The following CDK1 variants were observed in gnomAD, a reference collection of about 807,000 sequenced individuals.
CDK1 encodes cyclin-dependent kinase 1.
In CDK1, 5 loss-of-function variants were observed where a neutral mutation model predicts 34.6. The observed-to-expected ratio is 0.14, with a 90% CI of 0.08 to 0.30. CDK1 has a LOEUF of 0.30. Among genes scored for constraint, CDK1 ranks in the 10% least tolerant of loss-of-function variants. The pLI is 1.00. For synonymous variants in CDK1, 108 were observed against 114.7 expected, an observed-to-expected ratio of 0.94 and a Z score of 0.37; for missense variants, 157 against 345.7, an observed-to-expected ratio of 0.45 and a Z score of 4.33.
At chr10:60,792,374 G>A in intron 7 of CDK1, 85 bp downstream of exon 7, 1 of 1,238,192 alleles carries the variant, frequency 8.1e-7, no homozygotes, top group Non-Finnish European at 1.1e-6. Flanking sequence ...AAAATAGGAA[G>A]AACACTAACA....
chr10:60,787,950 C>A, intron 4 of CDK1, 110 bp from the exon 5 acceptor site: 2 of 575,406 alleles, frequency 3.5e-6, no homozygotes, highest in East Asian at 2.8e-5. Context: ...GGCCTGAAAG[C>A]TCTAGTAATT....
At position 60,786,300 on chromosome 10, in the gene CDK1, T is replaced by C. The variant is rs1349313304; in HGVS notation, c.318+513T>C. 9.2e-6 allele frequency: 9 copies of C among 977,994 alleles called. No individual in the cohort carries two copies. In the South Asian group the frequency reaches 3.3e-4, roughly 36 times the overall value. 60.6% of individuals were successfully genotyped at this position (977,994 alleles called of 1,614,324 possible). A position where few individuals can be genotyped will look rare whatever the true frequency, so the allele number is the denominator to read the frequency against. ...TTAGTTTTATTTGTAATCTTACACT[T>C]GTATGTATGTTCACTTTGTATGTAT... On this transcript the variant is annotated intron_variant, in intron 4 of 7. Coordinates refer to ENST00000395284, the MANE Select transcript of CDK1 (RefSeq NM_001786.5).
chr10:60,792,692 C>T (rs532469919), intron 7 of CDK1, among the ~76,000 whole-genome samples: 7 of 151,952 alleles, frequency 4.6e-5, no homozygotes, highest in East Asian at 3.9e-4. Flanking sequence ...AAGCTTTATT[C>T]GCACTTTGTA....
intron 3 of CDK1, 76 bp from the exon 4 acceptor site, chr10:60,785,588 G>A (rs2080308983): frequency 4.7e-6 from 4 of 852,252 alleles, no homozygotes; most frequent in Admixed American, 2.4e-5. Context: ...CTGAAATTAT[G>A]GAAGGAGTTT....
At position 60,788,043 on chromosome 10, in the gene CDK1, T is replaced by C. The variant is rs1014413284; in HGVS notation, c.319-17T>C. The C allele has an allele frequency of 8.4e-6, 11 of 1,314,744 alleles. No homozygotes were observed. The highest frequency in any genetic ancestry group is 1.1e-5 in the Non-Finnish European group (11 of 996,580). 81.4% of individuals were successfully genotyped at this position (1,314,744 alleles called of 1,614,324 possible). A position where few individuals can be genotyped will look rare whatever the true frequency, so the allele number is the denominator to read the frequency against. On this transcript the variant is annotated splice_polypyrimidine_tract_variant and intron_variant, in intron 4 of 7. Coordinates refer to ENST00000395284, the MANE Select transcript of CDK1 (RefSeq NM_001786.5). The stretch of plus-strand genomic sequence containing the variant: ...TGTACTTCGCTTAAGTTTCTAACTT[T>C]TACTTGCTTTTTCCAGAGTTATTTA...
At chr10:60,782,069 A>G (rs528589290) in intron 2 of CDK1, among the ~76,000 whole-genome samples, 3 of 152,246 alleles carry the variant, frequency 2.0e-5, no homozygotes, top group Non-Finnish European at 2.9e-5. Context: ...TGATTCACAC[A>G]GAATTTTCTT....
At position 60,784,736 on chromosome 10, in the gene CDK1, C is replaced by T; in HGVS notation, c.69C>T (p.His23=). Residue 23 remains histidine, a synonymous_variant, in exon 3 of 8, where the codon CAC becomes CAT. Coordinates refer to ENST00000395284, the MANE Select transcript of CDK1 (RefSeq NM_001786.5). The part of the protein sequence containing the change: ...GTYGVVYKGR[H]KTTGQVVAMK... ...ATGGAGTTGTGTATAAGGGTAGACA[C>T]AAAACTACAGGTCAAGTGGTAGCCA... The T allele has an allele frequency of 6.2e-7, 1 of 1,612,734 alleles. No individual in the cohort carries two copies. Among genetic ancestry groups the T allele is most frequent in the Non-Finnish European group, 8.5e-7 (1 of 1,179,196 alleles).
intron 1 of CDK1, among the ~76,000 whole-genome samples, chr10:60,778,972 T>TC (rs1366953679): frequency 1.3e-5 from 2 of 152,032 alleles, no homozygotes; most frequent in African/African-American, 4.8e-5. Context: ...CGCCCTGCCA[T>TC]CCCGCCTCGG....
chr10:60,787,208 G>GT (rs1232579630), intron 4 of CDK1: 2 of 279,104 alleles, frequency 7.2e-6, no homozygotes, highest in Non-Finnish European at 1.1e-5. Flanking sequence ...CAACCATTCT[G>GT]TTTTTTCACT....
chr10:60,790,210 G>A (rs987601616), intron 5 of CDK1, among the ~76,000 whole-genome samples: 2 of 151,972 alleles, frequency 1.3e-5, no homozygotes, highest in Non-Finnish European at 2.9e-5. Flanking sequence ...TTCTTTTGCT[G>A]TGCAGAAGCT....
chr10:60,790,839 A>G (rs2080354898), intron 5 of CDK1, among the ~76,000 whole-genome samples: 1 of 152,132 alleles, frequency 6.6e-6, no homozygotes, highest in African/African-American at 2.4e-5. Context: ...TTGACTGTAA[A>G]TACATGGATT....
chr10:60,786,852 C>G, intron 4 of CDK1: 1 of 971,414 alleles, frequency 1.0e-6, no homozygotes, highest in Non-Finnish European at 1.2e-6. Context: ...AGGATACGTT[C>G]TTTAACAATC....
At chr10:60,785,634 A>C in intron 3 of CDK1, 30 bp from the exon 4 acceptor site, 700 of 1,192,704 alleles carry the variant, frequency 5.9e-4, no homozygotes, top group Non-Finnish European at 7.8e-4. Flanking sequence ...TGTTTGCTGG[A>C]TTCTTCTCTC....
At position 60,788,227 on chromosome 10, in the gene CDK1, T is replaced by C. The variant is rs2080331861; in HGVS notation, c.486T>C (p.His162=). 1 of 1,587,694 alleles carries C rather than the reference T, an allele frequency of 6.3e-7. No homozygotes were observed. The highest frequency in any genetic ancestry group is 1.8e-5 in the Admixed American group (1 of 56,668). ...AFGIPIRVYT[H]EVVTLWYRSP... ...GAATACCTATCAGAGTATATACACA[T>C]GAGGCAAGTGGAATAGTGGTTTTTG... The change falls in exon 5 of 8, where the codon CAT becomes CAC. Residue 162 remains histidine (H), a synonymous_variant. Coordinates refer to ENST00000395284, the MANE Select transcript of CDK1 (RefSeq NM_001786.5).
chr10:60,792,418 T>A, intron 7 of CDK1, 129 bp downstream of exon 7: 1 of 668,826 alleles, frequency 1.5e-6, no homozygotes, highest in Non-Finnish European at 2.4e-6. Context: ...GTACATTGTA[T>A]TATACTAGCT....
chr10:60,787,860 A>C (rs1245724027), intron 4 of CDK1, 200 bp from the exon 5 acceptor site: 2 of 340,182 alleles, frequency 5.9e-6, no homozygotes, highest in Non-Finnish European at 1.1e-5. Flanking sequence ...CTATAAGGTG[A>C]AGATTCTTTT....
intron 7 of CDK1, 83 bp from the exon 8 acceptor site, chr10:60,793,794 T>C: frequency 1.4e-6 from 1 of 701,952 alleles, no homozygotes; most frequent in South Asian, 1.8e-5. Flanking sequence ...GGTTTATTGC[T>C]AGAAAAGTTG....
intron 4 of CDK1, 139 bp downstream of exon 4, chr10:60,785,926 GGTTA>G (rs1388926435): frequency 7.7e-7 from 1 of 1,292,166 alleles, no homozygotes; most frequent in Non-Finnish European, 9.8e-7. Context: ...TCTCCCTCAT[GGTTA>G]GTTTATACAG....
chr10:60,791,855 A>G (rs772532587), intron 5 of CDK1, 35 bp from the exon 6 acceptor site: 3 of 1,285,624 alleles, frequency 2.3e-6, no homozygotes, highest in South Asian at 2.6e-5. Context: ...TTTATGCACC[A>G]CATTTATTCA....
Sources: gnomAD v4.1 joint callset for allele counts (sites outside exome capture counted in the v4.1 genomes callset) on GRCh38, gnomAD v4.1.1 for gene constraint, MANE v1.5 for transcripts, NCBI Gene and HGNC (gene_info 2026-07-23, HGNC 2026-07-21) for gene names.